The following CLEC17A variants were observed in gnomAD, a reference collection of about 807,000 sequenced individuals.
CLEC17A encodes C-type lectin domain family 17, member A.
CLEC17A carries 37 observed loss-of-function variants against 61.3 expected under a neutral mutation model. The observed-to-expected ratio is 0.60, with a 90% CI of 0.46 to 0.79. The LOEUF is 0.79. CLEC17A is among the 30% of genes least tolerant of loss of function. The probability of loss-of-function intolerance (pLI) is 0.00; values close to 1 mark genes in which losing one functional copy is unlikely to be tolerated. For synonymous variants in CLEC17A, 168 were observed against 164.9 expected (o/e 1.02, Z -0.14); for missense variants, 418 against 464.7 (o/e 0.90, Z 0.92).
At chr19:14,596,458 C>T (rs1345527691) in intron 8 of CLEC17A, among the ~76,000 whole-genome samples, 1 of 151,974 alleles carries the variant, frequency 6.6e-6, no homozygotes, top group African/African-American at 2.4e-5. Context: ...TGGCGAGACC[C>T]CCATCTCTGC....
rs2074668426 is a variant in CLEC17A at position 14,600,146 on chromosome 19, C to T, written c.858C>T (p.Tyr286=). Residue 286 remains tyrosine, a synonymous_variant, in exon 12 of 14, where the codon TAC becomes TAT. Coordinates refer to ENST00000417570, the MANE Select transcript of CLEC17A (RefSeq NM_001204118.2). ...DEARMFCQEN[Y]SHLVIINSFA... is the part of the protein sequence containing the mutation. The stretch of plus-strand genomic sequence containing the variant: ...CCCGGATGTTCTGCCAGGAGAATTA[C>T]TCTCACTTGGTCATCATCAATAGCT... 6.2e-7 allele frequency: 1 copy of T among 1,613,948 alleles called. No homozygotes were observed. The highest frequency in any genetic ancestry group is 1.1e-5 in the South Asian group (1 of 91,094).
At chr19:14,588,571 A>T (rs1023745668) in intron 3 of CLEC17A, 2 of 151,988 alleles carry the variant, frequency 1.3e-5, no homozygotes, top group Admixed American at 1.3e-4. Context: ...GAGCCACTCG[A>T]CACCCCCGAG....
rs2075020437 is a variant in CLEC17A, at chr19:14,610,464, C to T, written c.*268C>T. 3 of 464,608 alleles carry T rather than the reference C, an allele frequency of 6.5e-6. No homozygotes were observed. In the South Asian group the frequency reaches 7.0e-5, roughly 11 times the overall value. The allele number at this position is 464,608 out of a possible 1,614,324, so 28.8% of individuals were successfully genotyped here. On this transcript the variant is annotated 3_prime_UTR_variant, in exon 14 of 14. Coordinates refer to ENST00000417570, the MANE Select transcript of CLEC17A (RefSeq NM_001204118.2). The stretch of plus-strand genomic sequence containing the variant: ...CTCCCACTTCTGGGGTTGAAAGGAT[C>T]TTCACTAAGTTCCTGATCATGACTC...
chr19:14,597,183 T>C, intron 10 of CLEC17A, 22 bp downstream of exon 10: 1 of 1,592,048 alleles, frequency 6.3e-7, no homozygotes, highest in Non-Finnish European at 8.6e-7. Context: ...CAGTCATTCC[T>C]TCATGCCACT....
At chr19:14,603,279 G>T (rs879588669) in intron 12 of CLEC17A, among the ~76,000 whole-genome samples, 7 of 152,044 alleles carry the variant, frequency 4.6e-5, no homozygotes, top group Admixed American at 4.6e-4. Flanking sequence ...GCACACATCG[G>T]GTCTTTGCTG....
chr19:14,607,145 G>A, intron 13 of CLEC17A, 43 bp downstream of exon 13: 2 of 966,436 alleles, frequency 2.1e-6, no homozygotes, highest in Non-Finnish European at 1.4e-6. Flanking sequence ...TTCCTCTGTG[G>A]GCCCTGACCA....
rs2074203904 is a variant in CLEC17A at position 14,583,152 on chromosome 19, G to A, written c.-9G>A. The A allele has an allele frequency of 6.2e-7, 1 of 1,614,038 alleles. No individual in the cohort carries two copies. On this transcript the variant is annotated 5_prime_UTR_variant, in exon 1 of 14. In the 5' UTR this introduces an upstream ATG that the reference lacks. Coordinates refer to ENST00000417570, the MANE Select transcript of CLEC17A (RefSeq NM_001204118.2). ...CTGGCTGCCACTTGTCAGGTTCCCT[G>A]TGCTAGACATGCATAATCTGTATTC...
At chr19:14,604,640 G>A (rs1424116409) in intron 12 of CLEC17A, among the ~76,000 whole-genome samples, 1 of 151,940 alleles carries the variant, frequency 6.6e-6, no homozygotes, top group Non-Finnish European at 1.5e-5. Flanking sequence ...GCGCGTGGCT[G>A]TAATCCCAGC....
At chr19:14,600,506 C>G (rs1158041510) in intron 12 of CLEC17A, among the ~76,000 whole-genome samples, 1 of 152,076 alleles carries the variant, frequency 6.6e-6, no homozygotes, top group Non-Finnish European at 1.5e-5. Context: ...TACTTTACAT[C>G]TTACAGTCAT....
In CLEC17A at chr19:14,610,981, T is replaced by C. The variant is rs570738338; in HGVS notation, c.*785T>C. 1 of 150,712 alleles carries C rather than the reference T, an allele frequency of 6.6e-6. No individual in the cohort carries two copies. Among genetic ancestry groups the C allele is most frequent in the South Asian group, 2.1e-4 (1 of 4,764 alleles). The allele number at this position is 150,712 out of a possible 1,614,324, so 9.3% of individuals were successfully genotyped here. A position where few individuals can be genotyped will look rare whatever the true frequency, so the allele number is the denominator to read the frequency against. ...CTGGCCGATATTTTTATTTTTATTTTTACTTTCCCCATCTTTTCCTTTTTT... is the reference window on the plus strand; with the variant it reads ...CTGGCCGATATTTTTATTTTTATTTCTACTTTCCCCATCTTTTCCTTTTTT... On this transcript the variant is annotated 3_prime_UTR_variant, in exon 14 of 14. Transcript: ENST00000417570.
In CLEC17A at chr19:14,595,162, G is replaced by A. The variant is rs1357912740; in HGVS notation, c.404-112G>A. The A allele has an allele frequency of 5.6e-6, 7 of 1,255,652 alleles. No individual in the cohort carries two copies. The East Asian group carries it at 1.6e-4, about 29-fold the overall frequency. The allele number at this position is 1,255,652 out of a possible 1,614,324, so 77.8% of individuals were successfully genotyped here. On this transcript the variant is annotated intron_variant, in intron 7 of 13. Coordinates refer to ENST00000417570, the MANE Select transcript of CLEC17A (RefSeq NM_001204118.2). Reference sequence around the variant, plus strand: ...GCTGGAATTACAGGCGTGAGCCACTGCCCACAGCCAGCCCCCTAAATTCTG... The same window carrying A: ...GCTGGAATTACAGGCGTGAGCCACTACCCACAGCCAGCCCCCTAAATTCTG...
In CLEC17A at chr19:14,600,155, G is replaced by A; in HGVS notation, c.867G>A (p.Leu289=). The part of the protein sequence containing the change: ...RMFCQENYSH[L]VIINSFAEHN... ...TCTGCCAGGAGAATTACTCTCACTT[G>A]GTCATCATCAATAGCTTTGCTGAGC... The change falls in exon 12 of 14, where the codon TTG becomes TTA. Residue 289 remains leucine (L), a synonymous_variant. Transcript: ENST00000417570. The A allele has an allele frequency of 6.2e-7, 1 of 1,613,978 alleles. No homozygotes were observed. Among genetic ancestry groups the A allele is most frequent in the Non-Finnish European group, 8.5e-7 (1 of 1,179,882 alleles).
chr19:14,587,656 C>G lies in CLEC17A; in HGVS notation c.164C>G (p.Ser55Ter). 5 of 1,603,164 alleles carry G rather than the reference C, an allele frequency of 3.1e-6. No homozygotes were observed. The highest frequency in any genetic ancestry group is 4.3e-6 in the Non-Finnish European group (5 of 1,174,962). Residue 55 changes from serine (S) to a stop codon, truncating the protein, a stop_gained, in exon 3 of 14, where the codon TCA (serine) becomes TGA (stop). Coordinates refer to ENST00000417570, the MANE Select transcript of CLEC17A (RefSeq NM_001204118.2). LOFTEE classifies it high-confidence loss of function. Reference protein sequence around the residue: ...EEEEDDDYENSTPPYKDLPPK... With the variant: ...EEEEDDDYEN ...GAGGAGGATGATGACTATGAGAACTCAACACCTCCCTACAAGGACCTTCCT... is the reference window on the plus strand; with the variant it reads ...GAGGAGGATGATGACTATGAGAACTGAACACCTCCCTACAAGGACCTTCCT...
At chr19:14,599,079 CTTTTTTTTTTTT>C (rs796835309) in intron 10 of CLEC17A, among the ~76,000 whole-genome samples, 1 of 56,942 alleles carries the variant, frequency 1.8e-5, no homozygotes, top group Non-Finnish European at 3.3e-5. Context: ...TGTATCTTTG[CTTTTTTTTTTTT>C]TTTTTTTTTT....
rs1173090737 is a variant in CLEC17A at position 14,592,448 on chromosome 19, G to A, written c.277+90G>A. On this transcript the variant is annotated intron_variant, in intron 4 of 13. Coordinates refer to ENST00000417570, the MANE Select transcript of CLEC17A (RefSeq NM_001204118.2). ...GCTGGGCATTGTAGACACACAGTCA[G>A]TCTCCTCTGTATCCAGCCCATGCCA... The A allele has an allele frequency of 7.6e-6, 12 of 1,572,324 alleles. No homozygotes were observed. The African/African-American group carries it at 1.2e-4, about 16-fold the overall frequency.
chr19:14,585,180 A>T (rs1314304286), intron 2 of CLEC17A, among the ~76,000 whole-genome samples: 1 of 152,216 alleles, frequency 6.6e-6, no homozygotes, highest in Non-Finnish European at 1.5e-5. Flanking sequence ...ATTTAAAAAA[A>T]ATATTTTTGA....
At chr19:14,595,181 A>C in intron 7 of CLEC17A, 93 bp from the exon 8 acceptor site, 1 of 1,460,602 alleles carries the variant, frequency 6.8e-7, no homozygotes, top group Non-Finnish European at 9.5e-7. Context: ...CAGCCCCCTA[A>C]ATTCTGACCA....
intron 3 of CLEC17A, among the ~76,000 whole-genome samples, chr19:14,589,625 T>C (rs2074366678): frequency 1.1e-5 from 1 of 88,050 alleles, no homozygotes; most frequent in African/African-American, 6.2e-5. Flanking sequence ...GGTCTACATA[T>C]ATGACTCATA....
chr19:14,594,412 C>CCTAATCTCCAAT lies in CLEC17A; in HGVS notation c.278-103_278-92dup, dbSNP rs1369167373. The CCTAATCTCCAAT allele has an allele frequency of 1.6e-5, 23 of 1,431,024 alleles. No homozygotes were observed. The African/African-American group carries it at 2.6e-4, about 16-fold the overall frequency. The allele number at this position is 1,431,024 out of a possible 1,614,324, so 88.6% of individuals were successfully genotyped here. On this transcript the variant is annotated intron_variant, in intron 4 of 13. Transcript: ENST00000417570. ...TTCTTACGTCCAACCCCGTCTGTAA[C>CCTAATCTCCAAT]CTAATCTCCAATCCTCCACTGCAAT...
Sources: allele counts gnomAD v4.1 joint callset (sites outside exome capture counted in the v4.1 genomes callset), GRCh38; gene constraint gnomAD v4.1.1; transcripts MANE v1.5; gene names NCBI Gene and HGNC (gene_info 2026-07-23, HGNC 2026-07-21).